Variants in ADAMTS6 observed in about 807,000 individuals in gnomAD.
ADAMTS6 encodes the protein A disintegrin and metalloproteinase with thrombospondin motifs 6.
A neutral mutation model predicts 144.3 loss-of-function variants in ADAMTS6; 23 were observed. The ratio of observed to expected loss-of-function variants is 0.16; its 90% CI spans 0.11 to 0.23. The LOEUF is 0.23. Among genes scored for constraint, ADAMTS6 ranks in the 10% least tolerant of loss-of-function variants. ADAMTS6 has a pLI of 1.00. For synonymous variants in ADAMTS6, 444 were observed against 457.5 expected, an observed-to-expected ratio of 0.97 and a Z score of 0.38; for missense variants, 999 against 1,379.6, an observed-to-expected ratio of 0.72 and a Z score of 4.37.
intron 16 of ADAMTS6, among the ~76,000 whole-genome samples, chr5:65,225,850 T>A (rs1487674421): frequency 6.6e-6 from 1 of 152,208 alleles, no homozygotes; most frequent in African/African-American, 2.4e-5. Flanking sequence ...ATTTTCATAC[T>A]TCTGGCAATC....
chr5:65,303,092 G>C (rs996740687), intron 9 of ADAMTS6, among the ~76,000 whole-genome samples: 2 of 152,096 alleles, frequency 1.3e-5, no homozygotes, highest in African/African-American at 4.8e-5. Flanking sequence ...TTTGATGGTT[G>C]ATTTTAATTA....
chr5:65,422,169 A>C (rs767521426), intron 7 of ADAMTS6, among the ~76,000 whole-genome samples: 1 of 152,270 alleles, frequency 6.6e-6, no homozygotes, highest in Non-Finnish European at 1.5e-5. Context: ...TCTCAAAAGA[A>C]GATATACAAA....
rs70983666 is a variant in ADAMTS6 at position 65,275,213 on chromosome 5, C to CA, written c.1513-1767dup. Among the ~76,000 whole-genome samples, 66 of 63,830 alleles carry CA rather than the reference C, an allele frequency of 1.0e-3. 1 individual carries two copies. The highest frequency in any genetic ancestry group is 2.2e-3 in the Admixed American group (9 of 4,096). The allele number at this position is 63,830 out of a possible 152,430, so 41.9% of individuals were successfully genotyped here. The stretch of plus-strand genomic sequence containing the variant: ...TGGATGACAGAATGAGGCTCTGTGT[C>CA]AAAAAAAAAAAAAAAAAAAAAAAAA... On this transcript the variant is annotated intron_variant, in intron 11 of 24. Coordinates refer to ENST00000381055, the MANE Select transcript of ADAMTS6 (RefSeq NM_197941.4).
chr5:65,366,766 A>C (rs1750342946), intron 7 of ADAMTS6, among the ~76,000 whole-genome samples: 1 of 152,198 alleles, frequency 6.6e-6, no homozygotes, highest in Admixed American at 6.5e-5. Flanking sequence ...CTTGCAGTAA[A>C]TACACACTCC....
intron 7 of ADAMTS6, among the ~76,000 whole-genome samples, chr5:65,430,394 C>T (rs553484879): frequency 6.9e-4 from 105 of 152,208 alleles, no homozygotes; most frequent in African/African-American, 2.4e-3. Flanking sequence ...AAAGGTGAAG[C>T]CCAAGGCTGA....
At chr5:65,363,764 G>C (rs1180233311) in intron 7 of ADAMTS6, among the ~76,000 whole-genome samples, 1 of 152,014 alleles carries the variant, frequency 6.6e-6, no homozygotes, top group African/African-American at 2.4e-5. Flanking sequence ...ATAATCTTTA[G>C]GGAAAACTAC....
intron 21 of ADAMTS6, among the ~76,000 whole-genome samples, chr5:65,189,114 G>A (rs1754843984): frequency 6.6e-6 from 1 of 152,060 alleles, no homozygotes; most frequent in South Asian, 2.1e-4. Context: ...CAGCTAATGT[G>A]GAAAGAAATG....
At chr5:65,192,407 T>C (rs1159741504) in intron 21 of ADAMTS6, among the ~76,000 whole-genome samples, 2 of 152,038 alleles carry the variant, frequency 1.3e-5, no homozygotes, top group East Asian at 3.8e-4. Context: ...ATTATTAAAA[T>C]GAATAGTTCT....
At chr5:65,424,444 G>A (rs1462145756) in intron 7 of ADAMTS6, among the ~76,000 whole-genome samples, 3 of 152,168 alleles carry the variant, frequency 2.0e-5, no homozygotes, top group Admixed American at 2.0e-4. Flanking sequence ...ATTGTCAATG[G>A]ACATTGGAAA....
At chr5:65,302,110 ATATAT>A (rs1561398228) in intron 9 of ADAMTS6, among the ~76,000 whole-genome samples, 55 of 27,440 alleles carry the variant, frequency 2.0e-3, no homozygotes, top group African/African-American at 9.8e-3. Context: ...AAAAAAAAAT[ATATAT>A]ATATATATAT....
At chr5:65,217,011 C>G (rs1756979771) in intron 18 of ADAMTS6, among the ~76,000 whole-genome samples, 3 of 152,126 alleles carry the variant, frequency 2.0e-5, no homozygotes, top group Admixed American at 2.0e-4. Context: ...CTCTGACTCC[C>G]TAGACCTCCA....
intron 15 of ADAMTS6, among the ~76,000 whole-genome samples, chr5:65,236,979 C>A (rs1758720392): frequency 6.6e-6 from 1 of 152,040 alleles, no homozygotes; most frequent in Non-Finnish European, 1.5e-5. Flanking sequence ...AAGCATACAT[C>A]ACTACATATT....
intron 15 of ADAMTS6, among the ~76,000 whole-genome samples, chr5:65,230,762 A>ATAACACATATGTATGAAATATATATATG (rs1758157416): frequency 9.4e-6 from 1 of 106,164 alleles, no homozygotes. Context: ...AAATATATAT[A>ATAACACATATGTATGAAATATATATATG]TAACACATAT....
At chr5:65,364,296 T>C (rs1299385938) in intron 7 of ADAMTS6, among the ~76,000 whole-genome samples, 2 of 152,176 alleles carry the variant, frequency 1.3e-5, no homozygotes, top group African/African-American at 4.8e-5. Context: ...AGATTCTCTC[T>C]GGGAAAATGA....
At chr5:65,465,279 C>G (rs1759912937) in intron 3 of ADAMTS6, among the ~76,000 whole-genome samples, 1 of 152,134 alleles carries the variant, frequency 6.6e-6, no homozygotes, top group Non-Finnish European at 1.5e-5. Flanking sequence ...CCTACAAATT[C>G]CTACAATCAC....
In ADAMTS6 at chr5:65,148,906, A is replaced by C. The variant is rs1751988995; in HGVS notation, c.*2930T>G. 2 of 152,664 alleles carry C rather than the reference A, an allele frequency of 1.3e-5. No individual in the cohort carries two copies. Among genetic ancestry groups the C allele is most frequent in the Non-Finnish European group, 2.9e-5 (2 of 68,048 alleles). The allele number at this position is 152,664 out of a possible 1,614,324, so 9.5% of individuals were successfully genotyped here. A position where few individuals can be genotyped will look rare whatever the true frequency, so the allele number is the denominator to read the frequency against. ...TTAGGAAACATGGCAATAAATTAGA[A>C]TATAATTTACAAAAGCAAAAAAATT... On this transcript the variant is annotated 3_prime_UTR_variant, in exon 25 of 25. Coordinates refer to ENST00000381055, the MANE Select transcript of ADAMTS6 (RefSeq NM_197941.4).
intron 18 of ADAMTS6, among the ~76,000 whole-genome samples, chr5:65,222,135 T>C (rs1580100716): frequency 1.3e-5 from 2 of 152,172 alleles, no homozygotes; most frequent in East Asian, 3.8e-4. Flanking sequence ...AATATGTATA[T>C]AGAAATATAA....
intron 7 of ADAMTS6, among the ~76,000 whole-genome samples, chr5:65,412,081 A>G (rs781342986): frequency 2.2e-4 from 33 of 152,310 alleles, no homozygotes; most frequent in Admixed American, 7.2e-4. Flanking sequence ...TGTCCATTTT[A>G]TGGGTAAAGA....
At chr5:65,183,086 C>G (rs548327956) in intron 22 of ADAMTS6, among the ~76,000 whole-genome samples, 1 of 152,284 alleles carries the variant, frequency 6.6e-6, no homozygotes, top group South Asian at 2.1e-4. Flanking sequence ...AGTAAAGGCA[C>G]AGAAATGCCA....
Sources: allele counts gnomAD v4.1 joint callset (sites outside exome capture counted in the v4.1 genomes callset), GRCh38; gene constraint gnomAD v4.1.1; transcripts MANE v1.5; gene names NCBI Gene and HGNC (gene_info 2026-07-23, HGNC 2026-07-21).